The following ADAMTS19 variants were observed in gnomAD, a reference collection of about 807,000 sequenced individuals.
ADAMTS19 encodes ADAM metallopeptidase with thrombospondin type 1 motif 19.
In ADAMTS19, 93 loss-of-function variants were observed where a neutral mutation model predicts 153.3. That is an observed-to-expected ratio of 0.61 (90% CI 0.51 to 0.72). The LOEUF (loss-of-function observed/expected upper bound fraction) is 0.72, where lower values mean the gene tolerates loss of function less well. Ranked by LOEUF, ADAMTS19 falls within the 30% of genes least tolerant of loss-of-function variation. The probability of loss-of-function intolerance (pLI) is 0.00; values close to 1 mark genes in which losing one functional copy is unlikely to be tolerated. For synonymous variants in ADAMTS19, 600 were observed against 556.6 expected, an observed-to-expected ratio of 1.08 and a Z score of -1.10; for missense variants, 1,482 against 1,552.1, an observed-to-expected ratio of 0.95 and a Z score of 0.76.
intron 2 of ADAMTS19, among the ~76,000 whole-genome samples, chr5:129,502,635 G>T (rs1192128518): frequency 6.6e-6 from 1 of 152,178 alleles, no homozygotes; most frequent in Admixed American, 6.6e-5. Context: ...TACAACTTGG[G>T]CACACAAGGA....
At chr5:129,506,255 T>A (rs1751265793) in intron 2 of ADAMTS19, among the ~76,000 whole-genome samples, 1 of 152,170 alleles carries the variant, frequency 6.6e-6, no homozygotes, top group Non-Finnish European at 1.5e-5. Flanking sequence ...GATAGTATTC[T>A]AGGCCCAGAA....
chr5:129,734,474 G>A (rs1248559743), intron 21 of ADAMTS19, among the ~76,000 whole-genome samples: 1 of 151,832 alleles, frequency 6.6e-6, no homozygotes, highest in African/African-American at 2.4e-5. Context: ...GAGAAAATAA[G>A]GCAGATGAGT....
Position 129,461,322 on chromosome 5 carries a change from A to C in ADAMTS19, c.312A>C (p.Arg104=). The change falls in exon 2 of 23, where the codon CGA becomes CGC. Residue 104 remains arginine (R), a synonymous_variant. Transcript: ENST00000274487. The surrounding 1 kb of genome is among the most constrained non-coding windows in gnomAD (Gnocchi z 4.6). ...PVPLEEPVEG[R]SESRLRPPPP... is the part of the protein sequence containing the mutation. ...CTTTGGAGGAGCCCGTGGAGGGCCG[A>C]TCAGAGTCCCGGCTCCGGCCCCCGC... The C allele has an allele frequency of 7.5e-7, 1 of 1,328,760 alleles. No individual in the cohort carries two copies. Among genetic ancestry groups the C allele is most frequent in the Non-Finnish European group, 9.5e-7 (1 of 1,048,202 alleles). 82.3% of individuals were successfully genotyped at this position (1,328,760 alleles called of 1,614,324 possible).
rs1357241870 is a variant in ADAMTS19, at chr5:129,461,415, T to C, written c.405T>C (p.Ala135=). The C allele has an allele frequency of 1.4e-5, 19 of 1,376,996 alleles. No homozygotes were observed. 85.3% of individuals were successfully genotyped at this position (1,376,996 alleles called of 1,614,324 possible). A position where few individuals can be genotyped will look rare whatever the true frequency, so the allele number is the denominator to read the frequency against. The change falls in exon 2 of 23, where the codon GCT becomes GCC. Residue 135 remains alanine, a synonymous_variant. Coordinates refer to ENST00000274487, the MANE Select transcript of ADAMTS19 (RefSeq NM_133638.6). The surrounding 1 kb of genome is among the most constrained non-coding windows in gnomAD (Gnocchi z 4.6). ...AGCTGCCGCGGGGATCCAGCGGGGC[T>C]GCCGCCTTGTCCCCGGGCGCCCCGG... is the stretch of plus-strand genomic sequence containing the variant. ...SQELPRGSSG[A]AALSPGAPAS...
chr5:129,671,906 T>TAA (rs111985474), intron 16 of ADAMTS19, among the ~76,000 whole-genome samples: 27 of 151,296 alleles, frequency 1.8e-4, no homozygotes, highest in East Asian at 1.7e-3. Context: ...AACTTCTCAC[T>TAA]AAAAAAAAAT....
intron 6 of ADAMTS19, among the ~76,000 whole-genome samples, chr5:129,531,435 C>G (rs1833533): frequency 0.3 from 45,707 of 151,904 alleles, 9,997 homozygotes; most frequent in African/African-American, 0.62. Context: ...GACCAGCCTG[C>G]CTAACATGAC....
intron 7 of ADAMTS19, among the ~76,000 whole-genome samples, chr5:129,559,473 G>A (rs902881080): frequency 2.0e-5 from 3 of 152,106 alleles, no homozygotes; most frequent in Non-Finnish European, 4.4e-5. Flanking sequence ...ATTTCTACCA[G>A]TGGGATTGAT....
chr5:129,570,312 CAGTTTGA>C, intron 7 of ADAMTS19, among the ~76,000 whole-genome samples: 3 of 150,378 alleles, frequency 2.0e-5, no homozygotes, highest in African/African-American at 7.3e-5. Flanking sequence ...CTGTGAGCAT[CAGTTTGA>C]CAGTTTAGAT....
chr5:129,678,028 G>T (rs751115319), intron 16 of ADAMTS19, among the ~76,000 whole-genome samples: 2 of 152,078 alleles, frequency 1.3e-5, no homozygotes, highest in African/African-American at 4.8e-5. Flanking sequence ...GTCCAGACTG[G>T]TCTTGAACTT....
chr5:129,461,847 CT>C lies in ADAMTS19; in HGVS notation c.747+93del. The C allele has an allele frequency of 7.0e-7, 1 of 1,435,690 alleles. No individual in the cohort carries two copies. Among genetic ancestry groups the C allele is most frequent in the Non-Finnish European group, 9.1e-7 (1 of 1,102,112 alleles). 88.9% of individuals were successfully genotyped at this position (1,435,690 alleles called of 1,614,324 possible). On this transcript the variant is annotated intron_variant, in intron 2 of 22. Coordinates refer to ENST00000274487, the MANE Select transcript of ADAMTS19 (RefSeq NM_133638.6). The surrounding 1 kb of genome is among the most constrained non-coding windows in gnomAD (Gnocchi z 4.6). ...GGATGATTTGCATGCACCTTCTCCC[CT>C]TTCAGTGTGCTCCTTTTGAGCTTGG...
intron 7 of ADAMTS19, among the ~76,000 whole-genome samples, chr5:129,560,831 T>C (rs1008169337): frequency 6.6e-6 from 1 of 152,206 alleles, no homozygotes; most frequent in African/African-American, 2.4e-5. Context: ...ATTGGTTTTA[T>C]AGTTAAGATG....
intron 7 of ADAMTS19, among the ~76,000 whole-genome samples, chr5:129,583,541 G>T (rs779595661): frequency 8.6e-5 from 13 of 151,996 alleles, no homozygotes; most frequent in Admixed American, 2.6e-4. Context: ...TCACTTTCAG[G>T]TACACCAATC....
rs1417537372 is a variant in ADAMTS19 at position 129,701,541 on chromosome 5, C to T, written c.3108C>T (p.Arg1036=). ...CIGPKPASAQ[R]CEGQDCMTVW... ...GGCCCAAGCCCGCCTCTGCCCAGCG[C>T]TGTGAGGGCCAGGACTGCATGACCG... The change falls in exon 20 of 23, where the codon CGC becomes CGT. Residue 1036 remains arginine (R), a synonymous_variant. Transcript: ENST00000274487. 4 of 1,614,206 alleles carry T rather than the reference C, an allele frequency of 2.5e-6. No individual in the cohort carries two copies. Among genetic ancestry groups the T allele is most frequent in the Admixed American group, 1.7e-5 (1 of 60,024 alleles).
At chr5:129,643,737 A>G (rs1386417873) in intron 11 of ADAMTS19, among the ~76,000 whole-genome samples, 1 of 152,150 alleles carries the variant, frequency 6.6e-6, no homozygotes, top group African/African-American at 2.4e-5. Context: ...TGTGCCAAAT[A>G]TTTCCTATAA....
intron 3 of ADAMTS19, among the ~76,000 whole-genome samples, chr5:129,515,445 T>C (rs921158817): frequency 6.6e-6 from 1 of 152,084 alleles, no homozygotes; most frequent in Non-Finnish European, 1.5e-5. Flanking sequence ...ATCTTTCTAC[T>C]TTTTGGTATC....
intron 15 of ADAMTS19, among the ~76,000 whole-genome samples, chr5:129,662,888 AT>A (rs3049499): frequency 0.025 from 2,353 of 92,856 alleles, 15 homozygotes; most frequent in African/African-American, 0.089. Flanking sequence ...ATTCTTCTTC[AT>A]TTTTTTTTTT....
Position 129,708,564 on chromosome 5 carries a change from T to C in ADAMTS19, c.3312+4173T>C, listed in dbSNP as rs115108348. ...ATTTAAACTTCTGCAACTCCTGATTTTCATTACTGGAGACCAGCAGAGAAG... is the reference window on the plus strand; with the variant it reads ...ATTTAAACTTCTGCAACTCCTGATTCTCATTACTGGAGACCAGCAGAGAAG... On this transcript the variant is annotated intron_variant, in intron 21 of 22. Transcript: ENST00000274487. 1.8e-3 allele frequency among the ~76,000 whole-genome samples: 261 copies of C among 142,952 alleles called. 1 individual carries two copies. Among genetic ancestry groups the C allele is most frequent in the Admixed American group, 3.2e-3 (45 of 13,922 alleles). 93.8% of individuals were successfully genotyped at this position (142,952 alleles called of 152,430 possible).
chr5:129,669,730 G>A (rs1486451606), intron 16 of ADAMTS19, among the ~76,000 whole-genome samples: 2 of 151,666 alleles, frequency 1.3e-5, no homozygotes, highest in Non-Finnish European at 2.9e-5. Context: ...TTCTCCCTAG[G>A]AAAACCTTTG....
At chr5:129,702,932 AAAAAAAAAAATATAT>A (rs367952322) in intron 20 of ADAMTS19, among the ~76,000 whole-genome samples, 556 of 41,842 alleles carry the variant, frequency 0.013, 12 homozygotes, top group East Asian at 0.075. Flanking sequence ...GACTTGCCAA[AAAAAAAAAAATATAT>A]ATATATATAT....
Sources: gnomAD v4.1 joint callset for allele counts (sites outside exome capture counted in the v4.1 genomes callset) on GRCh38, gnomAD v4.1.1 for gene constraint, Gnocchi (gnomAD v3.1) non-coding constraint, MANE v1.5 for transcripts, NCBI Gene and HGNC (gene_info 2026-07-23, HGNC 2026-07-21) for gene names.